The following SNX29 variants were observed in gnomAD, a reference collection of about 807,000 sequenced individuals.
The protein encoded by SNX29 is sorting nexin-29.
In SNX29, 78 loss-of-function variants were observed where a neutral mutation model predicts 102.1. The observed-to-expected ratio is 0.76, with a 90% CI of 0.64 to 0.92. The LOEUF (loss-of-function observed/expected upper bound fraction) is 0.92. Ranked by LOEUF, SNX29 falls within the 40% of genes least tolerant of loss-of-function variation. The pLI is 0.00. For missense variants in SNX29, 1,280 were observed against 1,061.7 expected (o/e 1.21, Z -2.86); for synonymous variants, 580 against 414.5 (o/e 1.40, Z -4.85).
chr16:12,570,955 C>G lies in SNX29; in HGVS notation c.*2326C>G, dbSNP rs922793319. The G allele has an allele frequency of 3.0e-5, 7 of 231,936 alleles. No individual in the cohort carries two copies. The highest frequency in any genetic ancestry group is 1.5e-4 in the African/African-American group (7 of 45,256). The allele number at this position is 231,936 out of a possible 1,614,324, so 14.4% of individuals were successfully genotyped here. A position where few individuals can be genotyped will look rare whatever the true frequency, so the allele number is the denominator to read the frequency against. ...TCCTGGGAGCCACATGGGGACCATC[C>G]CCAGCTGCCTGCTCCTGGTACCTCC... is the stretch of plus-strand genomic sequence containing the variant. On this transcript the variant is annotated 3_prime_UTR_variant, in exon 21 of 21. Transcript: ENST00000566228.
intron 14 of SNX29, among the ~76,000 whole-genome samples, chr16:12,209,855 C>G (rs527438149): frequency 6.6e-6 from 1 of 152,242 alleles, no homozygotes; most frequent in South Asian, 2.1e-4. Flanking sequence ...CTGTTGTTGT[C>G]GAGCCTGAAG....
At chr16:12,043,946 G>A (rs1018279342) in intron 5 of SNX29, among the ~76,000 whole-genome samples, 1 of 152,132 alleles carries the variant, frequency 6.6e-6, no homozygotes, top group Admixed American at 6.5e-5. Context: ...TGGGTACGGG[G>A]TTTAATCATG....
chr16:12,453,886 G>A (rs1437037176), intron 18 of SNX29, among the ~76,000 whole-genome samples: 2 of 152,188 alleles, frequency 1.3e-5, no homozygotes, highest in African/African-American at 2.4e-5. Context: ...CCATCAAGAT[G>A]TGGTAATTGG....
At chr16:12,532,405 A>G (rs1404258195) in intron 20 of SNX29, among the ~76,000 whole-genome samples, 1 of 152,184 alleles carries the variant, frequency 6.6e-6, no homozygotes. Context: ...CAGCGTTTGT[A>G]TATTCATTCT....
At chr16:11,989,099 A>C (rs1361046064) in intron 1 of SNX29, among the ~76,000 whole-genome samples, 1 of 151,996 alleles carries the variant, frequency 6.6e-6, no homozygotes, top group East Asian at 1.9e-4. Flanking sequence ...TCAGCCTCTC[A>C]GTAGCTGGGA....
chr16:12,288,070 C>T (rs973889564), intron 15 of SNX29, among the ~76,000 whole-genome samples: 6 of 152,104 alleles, frequency 3.9e-5, no homozygotes, highest in African/African-American at 1.4e-4. Flanking sequence ...TGCCTGTGGT[C>T]CCAGCCACTC....
intron 19 of SNX29, among the ~76,000 whole-genome samples, chr16:12,524,269 C>T (rs1318173057): frequency 6.6e-6 from 1 of 152,070 alleles, no homozygotes; most frequent in East Asian, 1.9e-4. Context: ...TAAGCCGGTG[C>T]TCTGGAGTGG....
chr16:12,215,810 G>T (rs999928637), intron 14 of SNX29, among the ~76,000 whole-genome samples: 1 of 152,174 alleles, frequency 6.6e-6, no homozygotes, highest in African/African-American at 2.4e-5. Flanking sequence ...TTTCCTGCCT[G>T]TGGAGCCAAT....
rs377337465 is a variant in SNX29, at chr16:12,152,052, C to G, written c.1595+22294C>G. Among the ~76,000 whole-genome samples the G allele has an allele frequency of 3.4e-4, 52 of 152,134 alleles. 1 individual carries two copies. Among genetic ancestry groups the G allele is most frequent in the African/African-American group, 1.1e-3 (47 of 41,496 alleles). On this transcript the variant is annotated intron_variant, in intron 13 of 20. Transcript: ENST00000566228. ...TGGGCAATGTGGTGAAACCGCATCTCTACAAAAAATATAAAGAAATTAGCT... is the reference window on the plus strand; with the variant it reads ...TGGGCAATGTGGTGAAACCGCATCTGTACAAAAAATATAAAGAAATTAGCT...
intron 14 of SNX29, among the ~76,000 whole-genome samples, chr16:12,241,876 T>C (rs1314812488): frequency 6.6e-6 from 1 of 152,226 alleles, no homozygotes; most frequent in Non-Finnish European, 1.5e-5. Context: ...ATTGCAGCAG[T>C]TCCAGAACTT....
chr16:12,568,704 T>TCA lies in SNX29; in HGVS notation c.*77_*78dup. 2 of 1,561,096 alleles carry TCA rather than the reference T, an allele frequency of 1.3e-6. No homozygotes were observed. The highest frequency in any genetic ancestry group is 1.7e-6 in the Non-Finnish European group (2 of 1,158,820). ...CACCCCAGCCACTGCCGCTGGCCCC[T>TCA]CACCTCAGCGTGACAACCACGTCCA... On this transcript the variant is annotated 3_prime_UTR_variant, in exon 21 of 21. Transcript: ENST00000566228.
chr16:12,370,546 C>T (rs748738747), intron 16 of SNX29, among the ~76,000 whole-genome samples: 4 of 152,270 alleles, frequency 2.6e-5, no homozygotes, highest in Admixed American at 1.3e-4. Context: ...GGTGACAGAG[C>T]GAAACTCCGT....
chr16:12,467,441 T>G (rs2087106684), intron 18 of SNX29, among the ~76,000 whole-genome samples: 1 of 152,166 alleles, frequency 6.6e-6, no homozygotes, highest in South Asian at 2.1e-4. Flanking sequence ...GTTATTGTAT[T>G]TGACATGTAT....
At chr16:12,298,075 C>T (rs890925459) in intron 15 of SNX29, among the ~76,000 whole-genome samples, 2 of 152,172 alleles carry the variant, frequency 1.3e-5, no homozygotes, top group Non-Finnish European at 1.5e-5. Context: ...GAGGCTGAGG[C>T]AGGAGAATTG....
intron 18 of SNX29, among the ~76,000 whole-genome samples, chr16:12,412,608 T>G (rs1268356986): frequency 1.3e-5 from 2 of 152,212 alleles, no homozygotes; most frequent in African/African-American, 4.8e-5. Flanking sequence ...ATGCATAAAG[T>G]CTTCGCGTGT....
At chr16:12,288,965 A>G (rs1454929293) in intron 15 of SNX29, among the ~76,000 whole-genome samples, 3 of 152,194 alleles carry the variant, frequency 2.0e-5, no homozygotes, top group Non-Finnish European at 4.4e-5. Context: ...AGAAACAGGA[A>G]TCAGGCCTGC....
At chr16:12,190,380 G>A (rs973200188) in intron 13 of SNX29, among the ~76,000 whole-genome samples, 1 of 152,134 alleles carries the variant, frequency 6.6e-6, no homozygotes, top group Non-Finnish European at 1.5e-5. Flanking sequence ...ACTCTAGATA[G>A]GGGAAGATGA....
At chr16:12,248,487 C>T (rs1261210097) in intron 14 of SNX29, among the ~76,000 whole-genome samples, 6 of 151,978 alleles carry the variant, frequency 3.9e-5, no homozygotes, top group Non-Finnish European at 4.4e-5. Flanking sequence ...CGTCTGCCTC[C>T]TGGGTTCAAG....
chr16:11,991,384 C>A (rs2055840855), intron 1 of SNX29, among the ~76,000 whole-genome samples: 1 of 152,104 alleles, frequency 6.6e-6, no homozygotes, highest in African/African-American at 2.4e-5. Flanking sequence ...AGGGCCTTTG[C>A]CGTGAGACTT....
Sources: allele counts gnomAD v4.1 joint callset (sites outside exome capture counted in the v4.1 genomes callset), GRCh38; gene constraint gnomAD v4.1.1; transcripts MANE v1.5; gene names NCBI Gene and HGNC (gene_info 2026-07-23, HGNC 2026-07-21).